The following SPEF2 variants were observed in gnomAD, a reference collection of about 807,000 sequenced individuals.
SPEF2 encodes sperm flagella and cilia-associated protein 2.
SPEF2 carries 187 observed loss-of-function variants against 224.6 expected under a neutral mutation model. That is an observed-to-expected ratio of 0.83 (90% CI 0.74 to 0.94). The LOEUF (loss-of-function observed/expected upper bound fraction) is 0.94. Among genes scored for constraint, SPEF2 ranks in the 40% least tolerant of loss-of-function variants. The pLI is 0.00. For synonymous variants in SPEF2, 715 were observed against 707.3 expected, an observed-to-expected ratio of 1.01 and a Z score of -0.17; for missense variants, 2,170 against 2,135.6, an observed-to-expected ratio of 1.02 and a Z score of -0.32.
intron 20 of SPEF2, among the ~76,000 whole-genome samples, chr5:35,725,176 G>A (rs920878718): frequency 6.6e-6 from 1 of 152,120 alleles, no homozygotes; most frequent in Non-Finnish European, 1.5e-5. Flanking sequence ...CCATTTCTGA[G>A]CTAAAATTTT....
intron 19 of SPEF2, among the ~76,000 whole-genome samples, chr5:35,711,451 T>C (rs1446405818): frequency 2.6e-5 from 4 of 152,192 alleles, no homozygotes; most frequent in Admixed American, 6.5e-5. Flanking sequence ...TCCATAGTTA[T>C]GTTCCATTGA....
chr5:35,811,945 C>T (rs190536211), intron 36 of SPEF2, among the ~76,000 whole-genome samples: 4 of 151,680 alleles, frequency 2.6e-5, no homozygotes, highest in Non-Finnish European at 4.4e-5. Context: ...CCACCACGCC[C>T]GACTAATTTC....
intron 21 of SPEF2, among the ~76,000 whole-genome samples, chr5:35,736,316 C>G (rs1376230691): frequency 6.6e-6 from 1 of 152,022 alleles, no homozygotes; most frequent in Non-Finnish European, 1.5e-5. Context: ...TTTCACAGTG[C>G]CATAAAGAAA....
intron 23 of SPEF2, among the ~76,000 whole-genome samples, chr5:35,752,098 T>A (rs1749747771): frequency 6.6e-6 from 1 of 152,100 alleles, no homozygotes; most frequent in African/African-American, 2.4e-5. Flanking sequence ...TCTATGAGAA[T>A]CTAATGTTGC....
intron 30 of SPEF2, among the ~76,000 whole-genome samples, chr5:35,784,225 T>A (rs867239358): frequency 6.6e-6 from 1 of 152,058 alleles, no homozygotes; most frequent in African/African-American, 2.4e-5. Flanking sequence ...CCTCCCGGGT[T>A]CACGCCATTC....
chr5:35,761,457 C>T (rs1457233007), intron 25 of SPEF2, among the ~76,000 whole-genome samples: 1 of 152,076 alleles, frequency 6.6e-6, no homozygotes, highest in Non-Finnish European at 1.5e-5. Context: ...TTCTTTTACC[C>T]TCCCTTGTTC....
intron 10 of SPEF2, among the ~76,000 whole-genome samples, chr5:35,687,263 A>C (rs1336070346): frequency 1.3e-5 from 2 of 152,156 alleles, no homozygotes; most frequent in African/African-American, 4.8e-5. Flanking sequence ...TTACATACGA[A>C]ACTTTTACAT....
intron 7 of SPEF2, among the ~76,000 whole-genome samples, chr5:35,657,491 G>GA (rs1427649171): frequency 1.3e-5 from 2 of 151,992 alleles, no homozygotes; most frequent in African/African-American, 4.8e-5. Flanking sequence ...AATGGAATCG[G>GA]GGGGGTGGTT....
chr5:35,756,506 A>C (rs1428370595), intron 24 of SPEF2, among the ~76,000 whole-genome samples: 2 of 152,220 alleles, frequency 1.3e-5, no homozygotes, highest in Non-Finnish European at 2.9e-5. Flanking sequence ...ATTTAAAGAA[A>C]GAGCCTAATG....
chr5:35,681,323 T>C (rs1330688131), intron 10 of SPEF2, among the ~76,000 whole-genome samples: 1 of 152,194 alleles, frequency 6.6e-6, no homozygotes, highest in East Asian at 1.9e-4. Context: ...TGAACTGGCC[T>C]TTAATTATAA....
At chr5:35,788,696 G>C (rs1219111366) in intron 30 of SPEF2, 2 of 702,902 alleles carry the variant, frequency 2.8e-6, no homozygotes, top group Non-Finnish European at 5.2e-6. Context: ...CCATAGCATA[G>C]AGGGAGAGAA....
chr5:35,727,947 A>T, intron 21 of SPEF2, 124 bp downstream of exon 21: 1 of 1,044,850 alleles, frequency 9.6e-7, no homozygotes, highest in Non-Finnish European at 1.3e-6. Context: ...TATCCATCTG[A>T]GATTTTTTTT....
At chr5:35,799,155 A>T (rs978341972) in intron 33 of SPEF2, among the ~76,000 whole-genome samples, 3 of 152,174 alleles carry the variant, frequency 2.0e-5, no homozygotes, top group African/African-American at 7.2e-5. Flanking sequence ...AGCACCATAT[A>T]CTTAACCAGA....
intron 36 of SPEF2, chr5:35,808,101 C>T: frequency 9.9e-7 from 1 of 1,008,590 alleles, no homozygotes; most frequent in Non-Finnish European, 1.2e-6. Flanking sequence ...AGTTTTCTTC[C>T]TATACCCACA....
intron 26 of SPEF2, among the ~76,000 whole-genome samples, chr5:35,768,513 A>G (rs1752381923): frequency 1.3e-5 from 2 of 152,108 alleles, no homozygotes; most frequent in African/African-American, 4.8e-5. Flanking sequence ...TCTTTAGGCT[A>G]TATCTATAAT....
chr5:35,777,954 C>T (rs1402843741), intron 29 of SPEF2, among the ~76,000 whole-genome samples: 1 of 152,122 alleles, frequency 6.6e-6, no homozygotes, highest in East Asian at 1.9e-4. Context: ...AGCAGCTATC[C>T]AGTGACCTCC....
At chr5:35,744,001 C>G (rs1293387824) in intron 23 of SPEF2, among the ~76,000 whole-genome samples, 2 of 152,178 alleles carry the variant, frequency 1.3e-5, no homozygotes, top group African/African-American at 4.8e-5. Context: ...TGCCCTGTTC[C>G]TCATTATGGT....
intron 27 of SPEF2, among the ~76,000 whole-genome samples, chr5:35,772,687 C>T (rs1242874575): frequency 6.6e-6 from 1 of 152,052 alleles, no homozygotes; most frequent in African/African-American, 2.4e-5. Flanking sequence ...AAGAACGCAC[C>T]ACTTTAGTCC....
intron 30 of SPEF2, chr5:35,787,736 G>T: frequency 7.8e-6 from 4 of 512,154 alleles, no homozygotes; most frequent in Non-Finnish European, 1.4e-5. Context: ...TTAACAGAAT[G>T]CCTGGTAATT....
Sources: gnomAD v4.1 joint callset for allele counts (sites outside exome capture counted in the v4.1 genomes callset) on GRCh38, gnomAD v4.1.1 for gene constraint, MANE v1.5 for transcripts, NCBI Gene and HGNC (gene_info 2026-07-23, HGNC 2026-07-21) for gene names.